GAK: variants seen among roughly 807,000 people sequenced by gnomAD.
GAK encodes cyclin-G-associated kinase.
GAK carries 79 observed loss-of-function variants against 143.9 expected under a neutral mutation model. That is an observed-to-expected ratio of 0.55 (90% CI 0.46 to 0.66). The LOEUF (loss-of-function observed/expected upper bound fraction) is 0.66, where lower values mean the gene tolerates loss of function less well. Among genes scored for constraint, GAK ranks in the 30% least tolerant of loss-of-function variants. The pLI is 0.00. For synonymous variants in GAK, 881 were observed against 765.5 expected (o/e 1.15, Z -2.49); for missense variants, 1,693 against 1,779.7 (o/e 0.95, Z 0.88).
At chr4:857,398 T>C (rs577583481) in intron 24 of GAK, among the ~76,000 whole-genome samples, 2 of 152,232 alleles carry the variant, frequency 1.3e-5, no homozygotes, top group Admixed American at 6.5e-5. Flanking sequence ...GCATTCTCTT[T>C]CAACATTCGG....
In GAK at chr4:888,973, G is replaced by A. The variant is rs1160356349; in HGVS notation, c.1082-3C>T. On this transcript the variant is annotated splice_polypyrimidine_tract_variant and splice_region_variant and intron_variant, in intron 10 of 27. Transcript: ENST00000314167. ...GTCGTACTCCGCCAGCGCCAGGCCT[G>A]CAGGGAGACACAGTCTCAGCAGGCC... The A allele has an allele frequency of 1.9e-6, 3 of 1,609,922 alleles. No homozygotes were observed. The highest frequency in any genetic ancestry group is 2.5e-6 in the Non-Finnish European group (3 of 1,179,222).
At chr4:924,023 A>G (rs1422387411) in intron 1 of GAK, among the ~76,000 whole-genome samples, 1 of 151,794 alleles carries the variant, frequency 6.6e-6, no homozygotes, top group Non-Finnish European at 1.5e-5. Flanking sequence ...CATTTCTACT[A>G]AAAAATACAA....
intron 22 of GAK, among the ~76,000 whole-genome samples, chr4:865,962 A>T (rs1466135760): frequency 6.6e-6 from 1 of 152,198 alleles, no homozygotes; most frequent in Admixed American, 6.5e-5. Flanking sequence ...CTACACCCAG[A>T]CCAGGTCAGC....
At chr4:912,427 G>A (rs907392541) in intron 3 of GAK, 5 of 391,248 alleles carry the variant, frequency 1.3e-5, no homozygotes, top group African/African-American at 4.1e-5. Flanking sequence ...TGAGGGGGCC[G>A]GGCCGGGCAA....
intron 1 of GAK, among the ~76,000 whole-genome samples, chr4:921,795 T>C (rs1723966094): frequency 6.6e-6 from 1 of 151,560 alleles, no homozygotes; most frequent in Non-Finnish European, 1.5e-5. Flanking sequence ...ACCCCATGTC[T>C]ACGAAGGACT....
At chr4:860,540 A>T (rs915745837) in intron 23 of GAK, among the ~76,000 whole-genome samples, 16 of 152,182 alleles carry the variant, frequency 1.1e-4, no homozygotes, top group East Asian at 9.6e-4. Context: ...TCAAACTAAG[A>T]GTCAACCTCA....
chr4:868,410 A>C, intron 20 of GAK, 129 bp downstream of exon 20: 5 of 813,548 alleles, frequency 6.1e-6, no homozygotes, highest in African/African-American at 5.2e-5. Flanking sequence ...TGCCGGGTGC[A>C]CAGCCCCACT....
Position 888,948 on chromosome 4 carries a change from G to T in GAK, c.1104C>A (p.Asp368Glu), listed in dbSNP as rs761236548. The T allele has an allele frequency of 6.2e-7, 1 of 1,611,756 alleles. No homozygotes were observed. The highest frequency in any genetic ancestry group is 8.5e-7 in the Non-Finnish European group (1 of 1,179,632). Residue 368 changes from aspartate (D) to glutamate (E), a missense_variant, in exon 11 of 28, where the codon GAC (aspartate) becomes GAA (glutamate). Asp to Glu is a conservative substitution (Grantham distance 45). Coordinates refer to ENST00000314167, the MANE Select transcript of GAK (RefSeq NM_005255.4). ...TGTCCAGGAAGCCGCCATACGGCTG[G>T]TCGTACTCCGCCAGCGCCAGGCCTG... ...YSGGLALAEY[D>E]QPYGGFLDIL...
chr4:915,305 G>A (rs971079148), intron 1 of GAK, among the ~76,000 whole-genome samples: 2 of 152,190 alleles, frequency 1.3e-5, no homozygotes, highest in African/African-American at 4.8e-5. Context: ...GAGACAGACA[G>A]GAATAACCTA....
At chr4:930,130 T>C (rs1210958558) in intron 1 of GAK, among the ~76,000 whole-genome samples, 1 of 152,078 alleles carries the variant, frequency 6.6e-6, no homozygotes, top group African/African-American at 2.4e-5. Context: ...CAGCCTAAAC[T>C]CCCATAGCCT....
At chr4:893,106 G>C (rs775791376) in intron 9 of GAK, among the ~76,000 whole-genome samples, 11 of 151,830 alleles carry the variant, frequency 7.2e-5, no homozygotes, top group Non-Finnish European at 1.3e-4. Context: ...TCTGTGATAG[G>C]AAACTTGGGG....
intron 9 of GAK, 127 bp downstream of exon 9, chr4:893,250 C>A: frequency 1.6e-6 from 1 of 615,400 alleles, no homozygotes; most frequent in Non-Finnish European, 2.7e-6. Flanking sequence ...TTCACGTGTG[C>A]CTCCCTCCCT....
In GAK at chr4:877,321, T is replaced by G; in HGVS notation, c.1857-114A>C. 3 of 758,932 alleles carry G rather than the reference T, an allele frequency of 4.0e-6. 1 individual carries two copies. The East Asian group carries it at 7.9e-5, about 20-fold the overall frequency. 47.0% of individuals were successfully genotyped at this position (758,932 alleles called of 1,614,324 possible). On this transcript the variant is annotated intron_variant, in intron 16 of 27. Coordinates refer to ENST00000314167, the MANE Select transcript of GAK (RefSeq NM_005255.4). ...CTTAGCTAAAATGTGTAATAACCAA[T>G]AAAGAATAACCCCCATGAAGAGCCT...
intron 15 of GAK, among the ~76,000 whole-genome samples, chr4:879,176 T>C (rs916030525): frequency 5.9e-5 from 9 of 152,118 alleles, no homozygotes; most frequent in African/African-American, 2.2e-4. Context: ...TGTCGGGTCA[T>C]GTAGCAATGA....
At chr4:890,751 A>AG in intron 9 of GAK, 129 bp from the exon 10 acceptor site, 1 of 677,000 alleles carries the variant, frequency 1.5e-6, no homozygotes, top group East Asian at 3.0e-5. Flanking sequence ...ACACAGTGCA[A>AG]GGGAGGAACT....
At position 870,775 on chromosome 4, in the gene GAK, C is replaced by G; in HGVS notation, c.2184G>C (p.Arg728Ser). 1 of 1,614,164 alleles carries G rather than the reference C, an allele frequency of 6.2e-7. No individual in the cohort carries two copies. Among genetic ancestry groups the G allele is most frequent in the Non-Finnish European group, 8.5e-7 (1 of 1,180,004 alleles). Residue 728 changes from arginine (R) to serine (S), a missense_variant, in exon 19 of 28, where the codon AGG becomes AGC. Arg to Ser is a moderately radical substitution (Grantham distance 110). Around this residue, in one of 2 missense-constraint regions of GAK, gnomAD observed 822 missense variants for 788.7 expected, o/e 1.04. Transcript: ENST00000314167. Reference protein sequence around the residue: ...EAPPWENSSMRGLNPKILFSS... With the variant: ...EAPPWENSSMSGLNPKILFSS... ...AAAACAGGATTTTGGGGTTCAGCCC[C>G]CTCATGCTCGAGTTCTCCCATGGTG...
intron 1 of GAK, among the ~76,000 whole-genome samples, 190 bp downstream of exon 1, chr4:931,853 G>A (rs898893952): frequency 1.3e-5 from 2 of 152,070 alleles, no homozygotes; most frequent in South Asian, 2.1e-4. Flanking sequence ...CTACGCCCGC[G>A]CTATGACCTT....
chr4:894,261 G>A lies in GAK; in HGVS notation c.742-252C>T. On this transcript the variant is annotated intron_variant, in intron 7 of 27. Coordinates refer to ENST00000314167, the MANE Select transcript of GAK (RefSeq NM_005255.4). ...TGACACCCGGGCCGCGGGGAGCGCA[G>A]GGGTGACGTTGGGGCCGTGGGGAGC... 8 of 434,792 alleles carry A rather than the reference G, an allele frequency of 1.8e-5. No homozygotes were observed. In the South Asian group the frequency reaches 2.5e-4, roughly 13 times the overall value. The allele number at this position is 434,792 out of a possible 1,614,324, so 26.9% of individuals were successfully genotyped here.
At chr4:876,494 G>C (rs371866830) in intron 18 of GAK, 36 bp downstream of exon 18, 78 of 1,587,896 alleles carry the variant, frequency 4.9e-5, no homozygotes, top group Non-Finnish European at 6.1e-5. Context: ...CAGGGCACCT[G>C]TCCCTCCCCA....
Sources: gnomAD v4.1 joint callset for allele counts (sites outside exome capture counted in the v4.1 genomes callset) on GRCh38, gnomAD v4.1.1 for gene constraint, gnomAD v4.1.1 regional missense constraint, MANE v1.5 for transcripts, NCBI Gene and HGNC (gene_info 2026-07-23, HGNC 2026-07-21) for gene names.